Variants in ZBTB17 observed in about 807,000 individuals in gnomAD.
ZBTB17 encodes zinc finger and BTB domain containing 17.
Under a neutral mutation model 85.1 loss-of-function variants are expected in ZBTB17, and 24 were observed. That is an observed-to-expected ratio of 0.28 (90% CI 0.20 to 0.40). The LOEUF (loss-of-function observed/expected upper bound fraction) is 0.40, where lower values mean the gene tolerates loss of function less well. Ranked by LOEUF, ZBTB17 falls within the 10% of genes least tolerant of loss-of-function variation. ZBTB17 has a pLI of 1.00. For missense variants in ZBTB17, 743 were observed against 1,105.1 expected (o/e 0.67, Z 4.65); for synonymous variants, 464 against 460.2 (o/e 1.01, Z -0.11).
intron 13 of ZBTB17, 61 bp from the exon 14 acceptor site, chr1:15,942,799 G>A (rs2071418701): frequency 1.3e-6 from 2 of 1,576,762 alleles, no homozygotes; most frequent in South Asian, 2.3e-5. Flanking sequence ...GGGGTGGGAG[G>A]CCCTCAATGA....
intron 2 of ZBTB17, among the ~76,000 whole-genome samples, chr1:15,970,392 C>G (rs1016278650): frequency 9.9e-5 from 15 of 151,150 alleles, no homozygotes; most frequent in African/African-American, 2.9e-4. Flanking sequence ...AAAGGAAGAG[C>G]CTTTTTGTTT....
chr1:15,943,979 T>C (rs1021733332), intron 9 of ZBTB17, 84 bp from the exon 10 acceptor site: 15 of 1,342,894 alleles, frequency 1.1e-5, no homozygotes, highest in African/African-American at 2.9e-5. Context: ...AAAGGAACAA[T>C]TGACTCTCAG....
chr1:15,972,164 A>G (rs917916369), intron 2 of ZBTB17, among the ~76,000 whole-genome samples: 13 of 152,160 alleles, frequency 8.5e-5, no homozygotes, highest in African/African-American at 3.1e-4. Context: ...GAGGATACAC[A>G]TGGCTGGGAG....
intron 2 of ZBTB17, among the ~76,000 whole-genome samples, chr1:15,958,436 A>G (rs2072130780): frequency 7.0e-6 from 1 of 143,798 alleles, no homozygotes; most frequent in Non-Finnish European, 1.5e-5. Flanking sequence ...AAAAAAAAAC[A>G]CACAGGTGTT....
chr1:15,945,850 G>A lies in ZBTB17; in HGVS notation c.536-10C>T, dbSNP rs745534188. 2.5e-6 allele frequency: 4 copies of A among 1,588,022 alleles called. No homozygotes were observed. Among genetic ancestry groups the A allele is most frequent in the Non-Finnish European group, 3.4e-6 (4 of 1,171,200 alleles). ...TCTGTCTGCTCTGCACCTGGGTGGG[G>A]GAAGCACCGGAGGCTGGATTGCTAC... is the stretch of plus-strand genomic sequence containing the variant. On this transcript the variant is annotated splice_polypyrimidine_tract_variant and intron_variant, in intron 5 of 15. Transcript: ENST00000375743.
Position 15,942,676 on chromosome 1 carries a change from A to G in ZBTB17, c.1891T>C (p.Ser631Pro). Residue 631 changes from serine to proline, a missense_variant, in exon 14 of 16, where the codon TCC (serine) becomes CCC (proline). By Grantham distance (74) the Ser-to-Pro change is moderately conservative. Transcript: ENST00000375743. Reference protein sequence around the residue: ...RGFNRVDNLRSHVKTVHQGKA... With the variant: ...RGFNRVDNLRPHVKTVHQGKA... ...CCCTGGTGCACGGTCTTCACGTGGG[A>G]GCGCAGGTTGTCTACCCGGTTGAAG... is the stretch of plus-strand genomic sequence containing the variant. 1 of 1,613,522 alleles carries G rather than the reference A, an allele frequency of 6.2e-7. No homozygotes were observed. The highest frequency in any genetic ancestry group is 8.5e-7 in the Non-Finnish European group (1 of 1,179,964).
intron 5 of ZBTB17, 52 bp from the exon 6 acceptor site, chr1:15,945,892 G>A (rs769512044): frequency 1.3e-5 from 20 of 1,567,188 alleles, no homozygotes; most frequent in Admixed American, 3.4e-5. Flanking sequence ...CCCAGGGGTC[G>A]GATACCTCTC....
In ZBTB17 at chr1:15,945,708, G is replaced by A; in HGVS notation, c.661+7C>T. 1 of 1,606,780 alleles carries A rather than the reference G, an allele frequency of 6.2e-7. No homozygotes were observed. Among genetic ancestry groups the A allele is most frequent in the Non-Finnish European group, 8.5e-7 (1 of 1,179,798 alleles). On this transcript the variant is annotated splice_region_variant and intron_variant, in intron 6 of 15. Transcript: ENST00000375743. Reference sequence around the variant, plus strand: ...GGTAGGGCCTGGTCCTGGCTGGGCGGGGCTACCTTGCTCCGAGCTCTCGGA... The same window carrying A: ...GGTAGGGCCTGGTCCTGGCTGGGCGAGGCTACCTTGCTCCGAGCTCTCGGA...
Position 15,964,212 on chromosome 1 carries a change from A to G in ZBTB17, c.-3+8827T>C, listed in dbSNP as rs1420814660. Among the ~76,000 whole-genome samples the G allele has an allele frequency of 6.6e-6, 1 of 152,212 alleles. No individual in the cohort carries two copies. Among genetic ancestry groups the G allele is most frequent in the Non-Finnish European group, 1.5e-5 (1 of 68,040 alleles). ...AAGTGATAGCAATTAAAGTGTTCTC[A>G]GGTCCTCACTGTTTGAGAGTAAGGT... is the stretch of plus-strand genomic sequence containing the variant. On this transcript the variant is annotated intron_variant, in intron 2 of 15. Coordinates refer to ENST00000375743, the MANE Select transcript of ZBTB17 (RefSeq NM_003443.3). The surrounding 1 kb of genome is among the most constrained non-coding windows in gnomAD (Gnocchi z 4.3).
chr1:15,975,616 G>T (rs1157747120), intron 1 of ZBTB17, among the ~76,000 whole-genome samples: 1 of 151,730 alleles, frequency 6.6e-6, no homozygotes, highest in South Asian at 2.1e-4. Flanking sequence ...CCGGCACTGC[G>T]CTCCCTCGCG....
chr1:15,965,417 C>T (rs925401252), intron 2 of ZBTB17, among the ~76,000 whole-genome samples: 2 of 152,090 alleles, frequency 1.3e-5, no homozygotes, highest in East Asian at 1.9e-4. Flanking sequence ...TGTCATTGTA[C>T]GCCCACCAGA....
At chr1:15,950,096 G>A (rs190339447) in intron 2 of ZBTB17, among the ~76,000 whole-genome samples, 7 of 152,362 alleles carry the variant, frequency 4.6e-5, no homozygotes, top group Non-Finnish European at 7.3e-5. Context: ...TGGAGAGCCA[G>A]GGCCAGCCCC....
chr1:15,943,795 G>A lies in ZBTB17; in HGVS notation c.1459+13C>T, dbSNP rs887696602. On this transcript the variant is annotated intron_variant, in intron 10 of 15. Coordinates refer to ENST00000375743, the MANE Select transcript of ZBTB17 (RefSeq NM_003443.3). The stretch of plus-strand genomic sequence containing the variant: ...CAGGGGTGTGAGGGCAGCCAGGGCA[G>A]CCCTGGCCCTACCTGAGGTGGTGAA... 1.2e-6 allele frequency: 2 copies of A among 1,612,302 alleles called. No individual in the cohort carries two copies. The highest frequency in any genetic ancestry group is 2.7e-5 in the African/African-American group (2 of 74,892).
intron 2 of ZBTB17, among the ~76,000 whole-genome samples, chr1:15,972,150 T>C (rs1472710031): frequency 6.6e-6 from 1 of 152,192 alleles, no homozygotes; most frequent in Non-Finnish European, 1.5e-5. Flanking sequence ...CTGCATTGCA[T>C]TGTGAGGATA....
chr1:15,969,998 C>T (rs1212871155), intron 2 of ZBTB17: 7 of 850,702 alleles, frequency 8.2e-6, no homozygotes, highest in African/African-American at 1.7e-5. Flanking sequence ...AAAATATGTT[C>T]GATGGATAGC....
intron 3 of ZBTB17, 69 bp downstream of exon 3, chr1:15,948,222 C>T (rs2071693560): frequency 6.3e-7 from 1 of 1,591,636 alleles, no homozygotes. Flanking sequence ...CCTGGAGGGC[C>T]TAGCATGGCA....
At chr1:15,967,947 G>T (rs2072502643) in intron 2 of ZBTB17, among the ~76,000 whole-genome samples, 1 of 152,154 alleles carries the variant, frequency 6.6e-6, no homozygotes, top group Non-Finnish European at 1.5e-5. Context: ...TTTCTTAACT[G>T]GGGGTGATTT....
chr1:15,942,705 C>T lies in ZBTB17; in HGVS notation c.1862G>A (p.Arg621His). Residue 621 changes from arginine to histidine, a missense_variant, in exon 14 of 16, where the codon CGT becomes CAT. Arg to His is a conservative substitution (Grantham distance 29). Transcript: ENST00000375743. ...CAGGTTGTCTACCCGGTTGAAGCCA[C>T]GCCCACACTTATCACACAGGTAAGG... ...EKPYLCDKCG[R>H]GFNRVDNLRS... The T allele has an allele frequency of 2.5e-6, 4 of 1,613,660 alleles. No homozygotes were observed. Among genetic ancestry groups the T allele is most frequent in the South Asian group, 1.1e-5 (1 of 91,084 alleles).
Position 15,952,527 on chromosome 1 carries a change from G to C in ZBTB17, c.-2-4030C>G, listed in dbSNP as rs1473424853. 6.6e-6 allele frequency among the ~76,000 whole-genome samples: 1 copy of C among 152,246 alleles called. No individual in the cohort carries two copies. The highest frequency in any genetic ancestry group is 2.4e-5 in the African/African-American group (1 of 41,472). ...GCCAGGGCCCACCACGCCTCCCATG[G>C]AGAGACGGTGTCTGTTTCCCTCCTG... On this transcript the variant is annotated intron_variant, in intron 2 of 15. Transcript: ENST00000375743. This position sits in a 1 kb window ranked among gnomAD's most constrained non-coding sequence, Gnocchi z 4.3.
Sources: allele counts gnomAD v4.1 joint callset (sites outside exome capture counted in the v4.1 genomes callset), GRCh38; gene constraint gnomAD v4.1.1; non-coding constraint Gnocchi (gnomAD v3.1); transcripts MANE v1.5; gene names NCBI Gene and HGNC (gene_info 2026-07-23, HGNC 2026-07-21).